The following DCP1B variants were observed in gnomAD, a reference collection of about 807,000 sequenced individuals.
The protein encoded by DCP1B is mRNA-decapping enzyme 1B.
In DCP1B, 47 loss-of-function variants were observed where a neutral mutation model predicts 60.5. The observed-to-expected ratio is 0.78, with a 90% CI of 0.61 to 0.99. The LOEUF is 0.99. Among genes scored for constraint, DCP1B ranks in the 50% least tolerant of loss-of-function variants. The pLI, the probability that DCP1B is intolerant of heterozygous loss-of-function variation, is 0.00. For missense variants in DCP1B, 725 were observed against 756.8 expected, an observed-to-expected ratio of 0.96 and a Z score of 0.49; for synonymous variants, 267 against 280.3, an observed-to-expected ratio of 0.95 and a Z score of 0.47.
intron 3 of DCP1B, among the ~76,000 whole-genome samples, chr12:1,973,589 C>A (rs1258614826): frequency 6.6e-6 from 1 of 152,168 alleles, no homozygotes; most frequent in Non-Finnish European, 1.5e-5. Flanking sequence ...CAGAGATCAT[C>A]ATCTTCCTAA....
At chr12:1,977,738 T>C (rs2034873368) in intron 3 of DCP1B, among the ~76,000 whole-genome samples, 1 of 152,216 alleles carries the variant, frequency 6.6e-6, no homozygotes. Context: ...GAGAAAACGT[T>C]TTACAAAATG....
At chr12:1,969,190 T>C (rs1272840672) in intron 3 of DCP1B, among the ~76,000 whole-genome samples, 1 of 152,238 alleles carries the variant, frequency 6.6e-6, no homozygotes, top group Non-Finnish European at 1.5e-5. Flanking sequence ...AGCTATGATA[T>C]TCTAACTACA....
At chr12:1,960,387 TAGG>T (rs1277327854) in intron 5 of DCP1B, among the ~76,000 whole-genome samples, 1 of 151,860 alleles carries the variant, frequency 6.6e-6, no homozygotes, top group Non-Finnish European at 1.5e-5. Context: ...AGGCTGGGGG[TAGG>T]AGGATTTTGG....
intron 3 of DCP1B, among the ~76,000 whole-genome samples, chr12:1,969,356 G>A (rs2031664826): frequency 6.6e-6 from 1 of 152,090 alleles, no homozygotes; most frequent in Non-Finnish European, 1.5e-5. Flanking sequence ...TTACTCACTT[G>A]CCAAAAGGTG....
At chr12:1,982,777 G>A (rs923397106) in intron 3 of DCP1B, among the ~76,000 whole-genome samples, 1 of 152,010 alleles carries the variant, frequency 6.6e-6, no homozygotes, top group Non-Finnish European at 1.5e-5. Context: ...CCTTGTTTTG[G>A]TATCAGGATA....
At chr12:1,993,040 G>T in intron 3 of DCP1B, 1 of 681,832 alleles carries the variant, frequency 1.5e-6, no homozygotes, top group South Asian at 1.8e-5. Flanking sequence ...AAAAGACAGG[G>T]TTTAGGTTTA....
chr12:2,003,989 C>T (rs912343063), intron 1 of DCP1B, among the ~76,000 whole-genome samples: 2 of 152,166 alleles, frequency 1.3e-5, no homozygotes, highest in African/African-American at 4.8e-5. Flanking sequence ...GGTATCAGGT[C>T]CTTCCTTTCC....
chr12:1,958,002 A>G (rs1233550086), intron 5 of DCP1B, among the ~76,000 whole-genome samples: 7 of 146,184 alleles, frequency 4.8e-5, no homozygotes, highest in Admixed American at 2.0e-4. Flanking sequence ...AAGCTCCCCA[A>G]CGTCGCTCTG....
Position 1,995,881 on chromosome 12 carries a change from CCCTT to C in DCP1B, c.191+2050_191+2053del, listed in dbSNP as rs373659683. Among the ~76,000 whole-genome samples the C allele has an allele frequency of 5.5e-3, 830 of 152,280 alleles. 5 individuals are homozygous for C. The highest frequency in any genetic ancestry group is 0.018 in the African/African-American group (763 of 41,550). ...CAACTCTAAACCATCTCCAGCCCTG[CCCTT>C]ACTCTGAGGGGCTGGCCACCTCCAC... is the stretch of plus-strand genomic sequence containing the variant. On this transcript the variant is annotated intron_variant, in intron 2 of 8. Coordinates refer to ENST00000280665, the MANE Select transcript of DCP1B (RefSeq NM_152640.5).
intron 3 of DCP1B, among the ~76,000 whole-genome samples, chr12:1,975,983 C>T (rs2034225215): frequency 6.6e-6 from 1 of 152,132 alleles, no homozygotes; most frequent in Non-Finnish European, 1.5e-5. Flanking sequence ...AAGGAACTAT[C>T]TGGTGTCACA....
rs141765737 is a variant in DCP1B at position 1,976,327 on chromosome 12, G to T, written c.320-8417C>A. Among the ~76,000 whole-genome samples, 255 of 152,316 alleles carry T rather than the reference G, an allele frequency of 1.7e-3. 2 individuals carry two copies. Among genetic ancestry groups the T allele is most frequent in the Middle Eastern group, 6.8e-3 (2 of 294 alleles). On this transcript the variant is annotated intron_variant, in intron 3 of 8. Coordinates refer to ENST00000280665, the MANE Select transcript of DCP1B (RefSeq NM_152640.5). Reference sequence around the variant, plus strand: ...GGCAAAGGAGACTTAGAGACACAAAGTAAGATTCAGTGACCACATTATGAT... The same window carrying T: ...GGCAAAGGAGACTTAGAGACACAAATTAAGATTCAGTGACCACATTATGAT...
intron 5 of DCP1B, chr12:1,961,294 C>A (rs919281381): frequency 6.6e-6 from 1 of 152,140 alleles, no homozygotes; most frequent in African/African-American, 2.4e-5. Flanking sequence ...CTTGAAGACT[C>A]CAAGGGTTCC....
chr12:1,943,531 A>C (rs1457816942), downstream of DCP1B, among the ~76,000 whole-genome samples: 1 of 152,222 alleles, frequency 6.6e-6, no homozygotes, highest in Non-Finnish European at 1.5e-5. Context: ...ATCAAAGCGA[A>C]AATCCTTAAT....
chr12:1,995,324 G>A (rs1428755301), intron 2 of DCP1B, among the ~76,000 whole-genome samples: 1 of 152,232 alleles, frequency 6.6e-6, no homozygotes, highest in Non-Finnish European at 1.5e-5. Context: ...AGAGATGAGT[G>A]AGAACGCACC....
At chr12:1,956,618 C>T (rs763346322) in intron 5 of DCP1B, among the ~76,000 whole-genome samples, 3 of 152,144 alleles carry the variant, frequency 2.0e-5, no homozygotes, top group Non-Finnish European at 2.9e-5. Context: ...ACAAGTATTA[C>T]GTGGGATGCA....
At chr12:1,955,383 T>C in intron 6 of DCP1B, 49 bp downstream of exon 6, 2 of 1,568,470 alleles carry the variant, frequency 1.3e-6, no homozygotes, top group Non-Finnish European at 1.7e-6. Context: ...TCAAAGTTCT[T>C]TAAGAATTCT....
intron 2 of DCP1B, among the ~76,000 whole-genome samples, chr12:1,994,435 A>G (rs1565861591): frequency 6.6e-6 from 1 of 152,354 alleles, no homozygotes; most frequent in East Asian, 1.9e-4. Flanking sequence ...TGAAACCTCC[A>G]ATTTTAAAAT....
intron 3 of DCP1B, among the ~76,000 whole-genome samples, chr12:1,976,977 T>C (rs1448512616): frequency 6.6e-6 from 1 of 152,156 alleles, no homozygotes; most frequent in Non-Finnish European, 1.5e-5. Flanking sequence ...GGAACTACTA[T>C]TTGCGACTAT....
At chr12:1,965,796 A>C (rs2031274960) in intron 4 of DCP1B, 103 bp from the exon 5 acceptor site, 2 of 1,337,044 alleles carry the variant, frequency 1.5e-6, no homozygotes, top group Non-Finnish European at 9.8e-7. Flanking sequence ...TCCTGTTACA[A>C]CCATATTAGA....
Sources: allele counts gnomAD v4.1 joint callset (sites outside exome capture counted in the v4.1 genomes callset), GRCh38; gene constraint gnomAD v4.1.1; transcripts MANE v1.5; gene names NCBI Gene and HGNC (gene_info 2026-07-23, HGNC 2026-07-21).